The following ENOX1 variants were observed in gnomAD, a reference collection of about 807,000 sequenced individuals.
The protein encoded by ENOX1 is candidate growth-related and time keeping constitutive hydroquinone (NADH) oxidase.
ENOX1 carries 42 observed loss-of-function variants against 82.5 expected under a neutral mutation model. The observed-to-expected ratio is 0.51, with a 90% CI of 0.40 to 0.66. The LOEUF (loss-of-function observed/expected upper bound fraction) is 0.66, where lower values mean the gene tolerates loss of function less well. ENOX1 is among the 30% of genes least tolerant of loss of function. The pLI is 0.00. For synonymous variants in ENOX1, 271 were observed against 282.2 expected, an observed-to-expected ratio of 0.96 and a Z score of 0.40; for missense variants, 608 against 811.6, an observed-to-expected ratio of 0.75 and a Z score of 3.05.
chr13:43,310,171 C>A (rs2047113589), intron 11 of ENOX1, among the ~76,000 whole-genome samples: 1 of 120,874 alleles, frequency 8.3e-6, no homozygotes, highest in Non-Finnish European at 1.6e-5. Flanking sequence ...TGCACTCTAC[C>A]CTGGTGACAG....
intron 2 of ENOX1, among the ~76,000 whole-genome samples, chr13:43,652,600 C>A (rs534183439): frequency 1.8e-4 from 27 of 152,286 alleles, no homozygotes; most frequent in African/African-American, 5.8e-4. Context: ...GAAAGATGTA[C>A]AGCACAGACA....
chr13:43,400,232 G>A (rs1014293586), intron 5 of ENOX1, among the ~76,000 whole-genome samples: 37 of 152,036 alleles, frequency 2.4e-4, no homozygotes, highest in Non-Finnish European at 5.1e-4. Flanking sequence ...CTCCCCCAGT[G>A]AAACCTTCAA....
chr13:43,254,603 T>C (rs1394074405), intron 14 of ENOX1, among the ~76,000 whole-genome samples: 1 of 152,160 alleles, frequency 6.6e-6, no homozygotes, highest in African/African-American at 2.4e-5. Flanking sequence ...TTATTATCCA[T>C]GAGAACAAAA....
chr13:43,397,809 A>G (rs2053244949), intron 5 of ENOX1, among the ~76,000 whole-genome samples: 1 of 152,252 alleles, frequency 6.6e-6, no homozygotes, highest in African/African-American at 2.4e-5. Context: ...ATGAGATTAT[A>G]TACTGTGTGT....
At chr13:43,447,080 C>T (rs1594660863) in intron 3 of ENOX1, among the ~76,000 whole-genome samples, 1 of 152,284 alleles carries the variant, frequency 6.6e-6, no homozygotes, top group East Asian at 1.9e-4. Context: ...TCTTGAACAC[C>T]TAGAGTAATG....
chr13:43,613,094 T>A (rs1216359038), intron 2 of ENOX1, among the ~76,000 whole-genome samples: 1 of 152,202 alleles, frequency 6.6e-6, no homozygotes, highest in Non-Finnish European at 1.5e-5. Flanking sequence ...TTTTATCAAT[T>A]ATAAAAAATT....
At chr13:43,364,323 G>A (rs929391600) in intron 5 of ENOX1, among the ~76,000 whole-genome samples, 11 of 152,170 alleles carry the variant, frequency 7.2e-5, no homozygotes, top group East Asian at 1.9e-4. Context: ...TCTACTCAGC[G>A]CAAAGAGGAG....
intron 7 of ENOX1, among the ~76,000 whole-genome samples, chr13:43,356,935 G>C (rs1363513742): frequency 6.6e-6 from 1 of 151,938 alleles, no homozygotes; most frequent in Admixed American, 6.6e-5. Context: ...GCTAGACAAA[G>C]AAAAAAATGG....
Position 43,602,514 on chromosome 13 carries a change from C to T in ENOX1, c.-219+64965G>A, listed in dbSNP as rs556178049. 2.6e-5 allele frequency among the ~76,000 whole-genome samples: 4 copies of T among 152,014 alleles called. No homozygotes were observed. The East Asian group carries it at 5.8e-4, about 22-fold the overall frequency. On this transcript the variant is annotated intron_variant, in intron 2 of 16. Coordinates refer to ENST00000690772, the MANE Select transcript of ENOX1 (RefSeq NM_001347969.2). ...TTCCACATTTATCTTATAAAACTGG[C>T]CAACATTTTTATTTTTAATGAATAT...
At chr13:43,220,794 T>C (rs997324608) in intron 16 of ENOX1, among the ~76,000 whole-genome samples, 1 of 152,202 alleles carries the variant, frequency 6.6e-6, no homozygotes, top group Non-Finnish European at 1.5e-5. Flanking sequence ...GATATTACTG[T>C]GACAGGCTGC....
intron 3 of ENOX1, among the ~76,000 whole-genome samples, chr13:43,445,400 G>T (rs1302281582): frequency 1.3e-5 from 2 of 152,136 alleles, no homozygotes; most frequent in Non-Finnish European, 2.9e-5. Flanking sequence ...TGGGATTACA[G>T]GTGTGAGCCA....
At chr13:43,333,483 C>T (rs2048523824) in intron 9 of ENOX1, among the ~76,000 whole-genome samples, 1 of 152,210 alleles carries the variant, frequency 6.6e-6, no homozygotes, top group African/African-American at 2.4e-5. Context: ...TGGCTCGATG[C>T]TAAGTCATCA....
chr13:43,756,744 G>A (rs1174827208), intron 1 of ENOX1, among the ~76,000 whole-genome samples: 3 of 152,164 alleles, frequency 2.0e-5, no homozygotes, highest in Admixed American at 2.0e-4. Flanking sequence ...TGGACAGGCA[G>A]GAACAAGTCT....
At chr13:43,722,341 A>C (rs1343564560) in intron 1 of ENOX1, among the ~76,000 whole-genome samples, 2 of 152,214 alleles carry the variant, frequency 1.3e-5, no homozygotes, top group Non-Finnish European at 2.9e-5. Context: ...ACTGACTTCT[A>C]ACAGTTAAAT....
At chr13:43,476,796 A>G (rs2153652546) in intron 3 of ENOX1, among the ~76,000 whole-genome samples, 1 of 152,302 alleles carries the variant, frequency 6.6e-6, no homozygotes, top group East Asian at 1.9e-4. Flanking sequence ...AGGTTTTTGT[A>G]GCAGAATGTA....
chr13:43,533,407 G>A (rs1593674384), intron 2 of ENOX1, among the ~76,000 whole-genome samples: 1 of 151,958 alleles, frequency 6.6e-6, no homozygotes, highest in Admixed American at 6.6e-5. Context: ...TCAATAAATC[G>A]AGTATTTTCC....
At chr13:43,362,884 A>G (rs531644764) in intron 5 of ENOX1, among the ~76,000 whole-genome samples, 2 of 152,270 alleles carry the variant, frequency 1.3e-5, no homozygotes, top group East Asian at 3.9e-4. Context: ...ATTTAATTTC[A>G]TAGTGTATCA....
chr13:43,687,520 T>G (rs1470640489), intron 1 of ENOX1, among the ~76,000 whole-genome samples: 2 of 152,236 alleles, frequency 1.3e-5, no homozygotes, highest in Non-Finnish European at 2.9e-5. Flanking sequence ...GCCTATTTCA[T>G]GATTGGCTCC....
At chr13:43,740,926 T>C (rs2089877760) in intron 1 of ENOX1, among the ~76,000 whole-genome samples, 1 of 152,222 alleles carries the variant, frequency 6.6e-6, no homozygotes, top group Non-Finnish European at 1.5e-5. Context: ...TTAGCTATTA[T>C]GAATAGTGCT....
Sources: allele counts gnomAD v4.1 joint callset (sites outside exome capture counted in the v4.1 genomes callset), GRCh38; gene constraint gnomAD v4.1.1; transcripts MANE v1.5; gene names NCBI Gene and HGNC (gene_info 2026-07-23, HGNC 2026-07-21).